The following ACBD6 variants were observed in gnomAD, a reference collection of about 807,000 sequenced individuals.
ACBD6 encodes acyl-CoA binding domain containing 6, also known as acyl-CoA-binding domain-containing protein 6.
ACBD6 carries 28 observed loss-of-function variants against 37.2 expected under a neutral mutation model. The ratio of observed to expected loss-of-function variants is 0.75; its 90% confidence interval spans 0.56 to 1.03. The LOEUF (loss-of-function observed/expected upper bound fraction) is 1.03, where lower values mean the gene tolerates loss of function less well. Among genes scored for constraint, ACBD6 ranks in the 50% least tolerant of loss-of-function variants. The probability of loss-of-function intolerance (pLI) is 0.00; values close to 1 mark genes in which losing one functional copy is unlikely to be tolerated. For missense variants in ACBD6, 340 were observed against 337.4 expected (o/e 1.01, Z -0.06); for synonymous variants, 113 against 126.8 (o/e 0.89, Z 0.73).
chr1:180,364,626 CAG>C (rs2101907418), intron 6 of ACBD6, among the ~76,000 whole-genome samples: 1 of 152,154 alleles, frequency 6.6e-6, no homozygotes, highest in African/African-American at 2.4e-5. Flanking sequence ...GTGAAGTAAA[CAG>C]AAATCTTCAG....
chr1:180,315,246 C>T (rs1650752257), intron 6 of ACBD6, among the ~76,000 whole-genome samples: 1 of 152,078 alleles, frequency 6.6e-6, no homozygotes, highest in Admixed American at 6.6e-5. Flanking sequence ...CATACAAAGT[C>T]CCAGAAGTTG....
At chr1:180,383,027 T>C (rs1205393013) in intron 6 of ACBD6, among the ~76,000 whole-genome samples, 3 of 152,130 alleles carry the variant, frequency 2.0e-5, no homozygotes, top group African/African-American at 4.8e-5. Context: ...AAACTAGGCA[T>C]AGATGGAACA....
chr1:180,435,454 C>T (rs1272193723), intron 3 of ACBD6: 30 of 477,368 alleles, frequency 6.3e-5, no homozygotes, highest in African/African-American at 1.4e-4. Context: ...GGGGTTTCAC[C>T]GTTAGCCAGG....
At chr1:180,357,868 T>C (rs1652687706) in intron 6 of ACBD6, among the ~76,000 whole-genome samples, 1 of 152,208 alleles carries the variant, frequency 6.6e-6, no homozygotes, top group South Asian at 2.1e-4. Flanking sequence ...GCAGAGCTTA[T>C]TTCATAAGCT....
chr1:180,293,864 GC>G (rs1455275773), intron 7 of ACBD6, among the ~76,000 whole-genome samples: 1 of 151,814 alleles, frequency 6.6e-6, no homozygotes, highest in African/African-American at 2.4e-5. Flanking sequence ...TCTTCCCCAA[GC>G]CTCCCAGCTG....
At chr1:180,308,750 C>T (rs1165019911) in intron 7 of ACBD6, among the ~76,000 whole-genome samples, 1 of 152,152 alleles carries the variant, frequency 6.6e-6, no homozygotes, top group Admixed American at 6.5e-5. Flanking sequence ...GCATTGAAAT[C>T]CAAGCTCAGA....
chr1:180,495,399 C>A, intron 2 of ACBD6, 62 bp downstream of exon 2: 5 of 1,251,374 alleles, frequency 4.0e-6, no homozygotes, highest in Non-Finnish European at 5.7e-6. Context: ...TCACTGCTTT[C>A]TAATTCCTAA....
At chr1:180,280,158 T>C (rs1649264290) in intron 9 of ACBD6, among the ~76,000 whole-genome samples, 1 of 152,212 alleles carries the variant, frequency 6.6e-6, no homozygotes, top group Non-Finnish European at 1.5e-5. Flanking sequence ...TACTGGACGG[T>C]GCTCATAGAG....
Position 180,387,448 on chromosome 1 carries a change from C to G in ACBD6, c.663+10068G>C, listed in dbSNP as rs574900867. ...GTCTCCACTGACACCACACTTACGA[C>G]AGAAGGGGAGTATCATCTGCTACCT... On this transcript the variant is annotated intron_variant, in intron 6 of 7. Coordinates refer to ENST00000367595, the MANE Select transcript of ACBD6 (RefSeq NM_032360.4). Among the ~76,000 whole-genome samples the G allele has an allele frequency of 2.7e-4, 41 of 152,320 alleles. 1 individual carries two copies. In the South Asian group the frequency reaches 7.9e-3, roughly 29 times the overall value.
At position 180,306,251 on chromosome 1, in the gene ACBD6, TA is replaced by T. The variant is rs553145187; in HGVS notation, c.694+8440del. ...TACCCTAAAACTTAAAGTATAATAA[TA>T]AAAAAAAAACAAACAAAACCAACCA... is the stretch of plus-strand genomic sequence containing the variant. On this transcript the variant is annotated intron_variant, in intron 7 of 7. Coordinates refer to ENST00000367595, the MANE Select transcript of ACBD6 (RefSeq NM_032360.4). Among the ~76,000 whole-genome samples, 77 of 144,222 alleles carry T rather than the reference TA, an allele frequency of 5.3e-4. 1 individual carries two copies. Among genetic ancestry groups the T allele is most frequent in the South Asian group, 8.8e-4 (4 of 4,532 alleles). The allele number at this position is 144,222 out of a possible 152,430, so 94.6% of individuals were successfully genotyped here. A position where few individuals can be genotyped will look rare whatever the true frequency, so the allele number is the denominator to read the frequency against.
chr1:180,351,263 T>A (rs940830368), intron 6 of ACBD6, among the ~76,000 whole-genome samples: 1 of 145,308 alleles, frequency 6.9e-6, no homozygotes, highest in Non-Finnish European at 1.5e-5. Flanking sequence ...TGCTGTCAGT[T>A]ACCTGCCAGA....
At chr1:180,430,705 TAAA>T (rs11422663) in intron 3 of ACBD6, among the ~76,000 whole-genome samples, 39 of 141,026 alleles carry the variant, frequency 2.8e-4, no homozygotes, top group African/African-American at 5.6e-4. Context: ...GTTTTTGGGT[TAAA>T]AAAAAAAAAA....
Position 180,397,508 on chromosome 1 carries a change from A to G in ACBD6, c.663+8T>C. ...TAAAAAATAAAAGCTCTTCTTTATC[A>G]CTCTTACCTGACAGTTAATGTCAGC... On this transcript the variant is annotated splice_region_variant and intron_variant, in intron 6 of 7. Coordinates refer to ENST00000367595, the MANE Select transcript of ACBD6 (RefSeq NM_032360.4). 6.2e-7 allele frequency: 1 copy of G among 1,609,080 alleles called. No individual in the cohort carries two copies. The highest frequency in any genetic ancestry group is 8.5e-7 in the Non-Finnish European group (1 of 1,175,492).
downstream of ACBD6, among the ~76,000 whole-genome samples, chr1:180,284,356 T>C (rs1649403287): frequency 6.6e-6 from 1 of 151,602 alleles, no homozygotes; most frequent in African/African-American, 2.4e-5. Context: ...CGAAAGATGG[T>C]ATTAAGGTCT....
rs749491670 is a variant in ACBD6, at chr1:180,397,611, AAC to A, written c.574-8_574-7del. 1.0e-5 allele frequency: 16 copies of A among 1,607,624 alleles called. No individual in the cohort carries two copies. In the Admixed American group the frequency reaches 1.8e-4, roughly 18 times the overall value. ...CAGTGAAGTAGAGCCCTACCCTAAA[AAC>A]ACAGAAGATAAATGAATTTGTTATC... On this transcript the variant is annotated splice_region_variant and splice_polypyrimidine_tract_variant and intron_variant, in intron 5 of 7. Transcript: ENST00000367595.
chr1:180,400,733 A>C (rs1463853431), intron 5 of ACBD6, among the ~76,000 whole-genome samples: 1 of 152,200 alleles, frequency 6.6e-6, no homozygotes, highest in Non-Finnish European at 1.5e-5. Context: ...AGTAATTTGC[A>C]GAGATGCTAT....
chr1:180,383,479 G>T (rs547477318), intron 6 of ACBD6, among the ~76,000 whole-genome samples: 1 of 152,122 alleles, frequency 6.6e-6, no homozygotes, highest in African/African-American at 2.4e-5. Flanking sequence ...TTTAACCAAG[G>T]AGGTGAAAGA....
chr1:180,356,450 G>T (rs987993883), intron 6 of ACBD6, among the ~76,000 whole-genome samples: 2 of 152,096 alleles, frequency 1.3e-5, no homozygotes, highest in Non-Finnish European at 2.9e-5. Flanking sequence ...GGGATTACAG[G>T]TGTGAACCAC....
intron 3 of ACBD6, among the ~76,000 whole-genome samples, chr1:180,451,236 A>G (rs1393463343): frequency 2.0e-5 from 3 of 152,206 alleles, no homozygotes; most frequent in African/African-American, 7.2e-5. Context: ...GGCTACAATC[A>G]AAAAGGCAGA....
Sources: allele counts gnomAD v4.1 joint callset (sites outside exome capture counted in the v4.1 genomes callset), GRCh38; gene constraint gnomAD v4.1.1; transcripts MANE v1.5; gene names NCBI Gene and HGNC (gene_info 2026-07-23, HGNC 2026-07-21).